Variants in RHOJ observed in about 807,000 individuals in gnomAD.
The protein encoded by RHOJ is rho-related GTP-binding protein RhoJ.
A neutral mutation model predicts 23.4 loss-of-function variants in RHOJ; 11 were observed. The ratio of observed to expected loss-of-function variants is 0.47; its 90% CI spans 0.30 to 0.78. The LOEUF (loss-of-function observed/expected upper bound fraction) is 0.78, where lower values mean the gene tolerates loss of function less well. RHOJ is among the 30% of genes least tolerant of loss of function. RHOJ has a pLI of 0.08. For missense variants in RHOJ, 254 were observed against 273.4 expected (o/e 0.93, Z 0.50); for synonymous variants, 102 against 102.7 (o/e 0.99, Z 0.04).
intron 3 of RHOJ, among the ~76,000 whole-genome samples, chr14:63,281,440 AGGT>A (rs1204611126): frequency 6.6e-6 from 1 of 152,080 alleles, no homozygotes. Context: ...CAGAGCAATG[AGGT>A]GAGGGTGTCA....
intron 1 of RHOJ, among the ~76,000 whole-genome samples, chr14:63,233,867 TCATCCAGCAGCTCC>T (rs1174979393): frequency 6.6e-5 from 10 of 152,256 alleles, no homozygotes; most frequent in African/African-American, 2.2e-4. Context: ...CTGACCAATA[TCATCCAGCAGCTCC>T]CAACCGTTCC....
At chr14:63,272,055 A>G (rs1566626898) in intron 2 of RHOJ, among the ~76,000 whole-genome samples, 1 of 152,214 alleles carries the variant, frequency 6.6e-6, no homozygotes, top group Non-Finnish European at 1.5e-5. Context: ...GAATTTGCAA[A>G]TCCATTTTAA....
intron 2 of RHOJ, among the ~76,000 whole-genome samples, chr14:63,276,772 A>G (rs1184443482): frequency 6.6e-6 from 1 of 152,200 alleles, no homozygotes; most frequent in Non-Finnish European, 1.5e-5. Context: ...ACTTTTCCAT[A>G]ATGTAAATAG....
chr14:63,233,321 CT>C (rs1342025856), intron 1 of RHOJ, among the ~76,000 whole-genome samples: 3 of 152,082 alleles, frequency 2.0e-5, no homozygotes, highest in Non-Finnish European at 4.4e-5. Context: ...TACAAGGTTT[CT>C]TTTTAGAGTG....
Position 63,264,570 on chromosome 14 carries a change from TA to T in RHOJ, c.179-4539del, listed in dbSNP as rs528750811. 8.5e-5 allele frequency among the ~76,000 whole-genome samples: 13 copies of T among 152,334 alleles called. No homozygotes were observed. In the South Asian group the frequency reaches 2.1e-3, roughly 24 times the overall value. On this transcript the variant is annotated intron_variant, in intron 1 of 4. Transcript: ENST00000316754. ...GTAATGGGATTGCTAGGTCAAATGGTAGTTTTAAGTTCTTTGAGAAATATCC... is the reference window on the plus strand; with the variant it reads ...GTAATGGGATTGCTAGGTCAAATGGTGTTTTAAGTTCTTTGAGAAATATCC...
chr14:63,280,027 TTTTG>T (rs776195360), intron 2 of RHOJ, among the ~76,000 whole-genome samples: 9 of 152,098 alleles, frequency 5.9e-5, no homozygotes, highest in Non-Finnish European at 1.2e-4. Context: ...TTTTGTTTTA[TTTTG>T]TTTGTTTTTT....
At chr14:63,262,516 C>G (rs1479318252) in intron 1 of RHOJ, among the ~76,000 whole-genome samples, 1 of 152,196 alleles carries the variant, frequency 6.6e-6, no homozygotes, top group Non-Finnish European at 1.5e-5. Context: ...ACCCTCTGAG[C>G]CATTAGCAGG....
In RHOJ at chr14:63,204,684, C is replaced by G; in HGVS notation, c.-186C>G. ...CATAACTCCCTCAAGTGTGTGTTAC[C>G]TTTCTTTACCAGCATGGTAAGCAAC... is the stretch of plus-strand genomic sequence containing the variant. On this transcript the variant is annotated 5_prime_UTR_variant, in exon 1 of 5. Coordinates refer to ENST00000316754, the MANE Select transcript of RHOJ (RefSeq NM_020663.5). 1 of 618,530 alleles carries G rather than the reference C, an allele frequency of 1.6e-6. No individual in the cohort carries two copies. The allele number at this position is 618,530 out of a possible 1,614,324, so 38.3% of individuals were successfully genotyped here.
intron 1 of RHOJ, among the ~76,000 whole-genome samples, chr14:63,259,074 G>A (rs1300397596): frequency 6.6e-6 from 1 of 152,158 alleles, no homozygotes; most frequent in Non-Finnish European, 1.5e-5. Context: ...TAAATGGCTG[G>A]AATTACAGGT....
intron 1 of RHOJ, among the ~76,000 whole-genome samples, chr14:63,211,345 A>T (rs188943136): frequency 2.0e-5 from 3 of 152,160 alleles, no homozygotes; most frequent in African/African-American, 7.2e-5. Flanking sequence ...CATATCTGTA[A>T]TCCCAGTGCT....
At chr14:63,275,698 G>A (rs766169617) in intron 2 of RHOJ, among the ~76,000 whole-genome samples, 1 of 152,060 alleles carries the variant, frequency 6.6e-6, no homozygotes, top group Non-Finnish European at 1.5e-5. Context: ...AGATTAAAAC[G>A]CTGTCTCTTC....
intron 1 of RHOJ, among the ~76,000 whole-genome samples, chr14:63,236,748 AACAC>A (rs59297455): frequency 0.012 from 1,597 of 138,410 alleles, 15 homozygotes; most frequent in Non-Finnish European, 0.017. Context: ...AGAGGCTTGA[AACAC>A]ACACACACAC....
chr14:63,241,874 G>C (rs985191731), intron 1 of RHOJ, among the ~76,000 whole-genome samples: 2 of 152,180 alleles, frequency 1.3e-5, no homozygotes, highest in African/African-American at 4.8e-5. Context: ...TGAATTAAAA[G>C]TTCATTGGTG....
At chr14:63,211,880 G>A (rs1894245755) in intron 1 of RHOJ, among the ~76,000 whole-genome samples, 1 of 152,168 alleles carries the variant, frequency 6.6e-6, no homozygotes, top group Admixed American at 6.5e-5. Context: ...CCATGGAATA[G>A]TAAACAATAT....
chr14:63,226,647 G>A (rs1208805341), intron 1 of RHOJ, among the ~76,000 whole-genome samples: 2 of 151,444 alleles, frequency 1.3e-5, no homozygotes, highest in African/African-American at 2.4e-5. Flanking sequence ...CCCAAAGGAT[G>A]AAAGAATAAA....
chr14:63,227,927 A>G (rs1288376264), intron 1 of RHOJ, among the ~76,000 whole-genome samples: 1 of 152,208 alleles, frequency 6.6e-6, no homozygotes, highest in Non-Finnish European at 1.5e-5. Context: ...ATGGTCATAG[A>G]TTTATTAATT....
intron 1 of RHOJ, among the ~76,000 whole-genome samples, chr14:63,236,748 A>AACACACACACACACACAC (rs59297455): frequency 1.5e-3 from 206 of 138,446 alleles, no homozygotes; most frequent in African/African-American, 4.2e-3. Context: ...AGAGGCTTGA[A>AACACACACACACACACAC]ACACACACAC....
intron 1 of RHOJ, among the ~76,000 whole-genome samples, chr14:63,261,443 T>C (rs1241670744): frequency 6.6e-6 from 1 of 152,030 alleles, no homozygotes; most frequent in African/African-American, 2.4e-5. Context: ...TTTTCCTTTT[T>C]TTTGAGACAG....
At chr14:63,287,126 C>G (rs17100980) in intron 4 of RHOJ, among the ~76,000 whole-genome samples, 5,586 of 152,274 alleles carry the variant, frequency 0.037, 347 homozygotes, top group African/African-American at 0.13. Context: ...CTTCCCTTCT[C>G]TCATCACCTT....
Sources: gnomAD v4.1 joint callset for allele counts (sites outside exome capture counted in the v4.1 genomes callset) on GRCh38, gnomAD v4.1.1 for gene constraint, MANE v1.5 for transcripts, NCBI Gene and HGNC (gene_info 2026-07-23, HGNC 2026-07-21) for gene names.